The following ATP10A variants were observed in gnomAD, a reference collection of about 807,000 sequenced individuals.
The protein encoded by ATP10A is ATPase phospholipid transporting 10A (putative).
A neutral mutation model predicts 147.8 loss-of-function variants in ATP10A; 111 were observed. The ratio of observed to expected loss-of-function variants is 0.75; its 90% CI spans 0.64 to 0.88. The LOEUF is 0.88. Among genes scored for constraint, ATP10A ranks in the 40% least tolerant of loss-of-function variants. ATP10A has a pLI of 0.00. For missense variants in ATP10A, 1,927 were observed against 1,959.0 expected (o/e 0.98, Z 0.31); for synonymous variants, 875 against 841.6 (o/e 1.04, Z -0.69).
chr15:25,749,588 T>C (rs1163581548), intron 2 of ATP10A, among the ~76,000 whole-genome samples: 1 of 152,160 alleles, frequency 6.6e-6, no homozygotes, highest in African/African-American at 2.4e-5. Flanking sequence ...TCAAATCCAA[T>C]ATCTGGCATC....
At chr15:25,827,437 C>A (rs1330160099) in intron 1 of ATP10A, among the ~76,000 whole-genome samples, 3 of 152,166 alleles carry the variant, frequency 2.0e-5, no homozygotes, top group Non-Finnish European at 4.4e-5. Flanking sequence ...GCAACATTTA[C>A]AAATCTATGT....
intron 2 of ATP10A, among the ~76,000 whole-genome samples, chr15:25,739,905 C>A (rs191901662): frequency 6.6e-6 from 1 of 152,180 alleles, no homozygotes; most frequent in Non-Finnish European, 1.5e-5. Context: ...CCTGAACTTG[C>A]GTTTCTGCTA....
chr15:25,781,474 G>A (rs1889920708), intron 1 of ATP10A, among the ~76,000 whole-genome samples: 1 of 152,052 alleles, frequency 6.6e-6, no homozygotes, highest in Admixed American at 6.6e-5. Flanking sequence ...GACCAACACG[G>A]TGAAACTCTG....
intron 1 of ATP10A, among the ~76,000 whole-genome samples, chr15:25,797,687 G>A (rs1890742910): frequency 1.3e-5 from 2 of 152,168 alleles, no homozygotes; most frequent in Admixed American, 6.5e-5. Flanking sequence ...TCCACAGCAC[G>A]CAGATCCTTC....
chr15:25,770,715 C>A (rs761190312), intron 2 of ATP10A, among the ~76,000 whole-genome samples: 1 of 152,168 alleles, frequency 6.6e-6, no homozygotes, highest in East Asian at 1.9e-4. Context: ...CATCATCCAA[C>A]GCCCCAGGGA....
intron 1 of ATP10A, among the ~76,000 whole-genome samples, chr15:25,842,477 C>A (rs188391679): frequency 6.6e-6 from 1 of 152,208 alleles, no homozygotes; most frequent in East Asian, 1.9e-4. Context: ...AATGAATCTA[C>A]GCCATCTTGT....
At chr15:25,739,846 A>G (rs1887486080) in intron 2 of ATP10A, among the ~76,000 whole-genome samples, 1 of 152,212 alleles carries the variant, frequency 6.6e-6, no homozygotes, top group Admixed American at 6.5e-5. Context: ...GACTAGGTGG[A>G]AAGAAAGAGG....
In ATP10A at chr15:25,716,723, A is replaced by G. The variant is rs754317840; in HGVS notation, c.1776+7T>C. 2 of 1,569,286 alleles carry G rather than the reference A, an allele frequency of 1.3e-6. No individual in the cohort carries two copies. Among genetic ancestry groups the G allele is most frequent in the Non-Finnish European group, 1.7e-6 (2 of 1,155,478 alleles). ...AAGGTCAAGCTCAGGGACCCTCCAG[A>G]ACTTGCCTTTGTTCGTGGCTGATCC... On this transcript the variant is annotated splice_region_variant and intron_variant, in intron 9 of 20. Transcript: ENST00000555815.
chr15:25,702,141 C>A (rs781095343), intron 12 of ATP10A, 41 bp from the exon 13 acceptor site: 2 of 1,569,686 alleles, frequency 1.3e-6, no homozygotes, highest in East Asian at 2.3e-5. Flanking sequence ...CCGCTTCTCA[C>A]GTGCCCCCCA....
At position 25,781,103 on chromosome 15, in the gene ATP10A, G is replaced by A. The variant is rs771305955; in HGVS notation, c.570C>T (p.Asp190=). The change falls in exon 2 of 21, where the codon GAC becomes GAT. Residue 190 remains aspartate (D), a synonymous_variant. Transcript: ENST00000555815. Reference sequence around the variant, plus strand: ...TGGCGGTCTCGATGTGGCATAGCCCGTCGGGGTCACTGGAGGAGAGCAGCA... The same window carrying A: ...TGGCGGTCTCGATGTGGCATAGCCCATCGGGGTCACTGGAGGAGAGCAGCA... ...DILLLSSSDP[D]GLCHIETANL... The A allele has an allele frequency of 1.3e-4, 208 of 1,614,086 alleles. No individual in the cohort carries two copies. The highest frequency in any genetic ancestry group is 1.6e-4 in the Non-Finnish European group (189 of 1,180,050).
chr15:25,803,123 C>T (rs977364202), intron 1 of ATP10A, among the ~76,000 whole-genome samples: 3 of 152,106 alleles, frequency 2.0e-5, no homozygotes, highest in South Asian at 2.1e-4. Flanking sequence ...CATCTCACCC[C>T]GGGATGTAGC....
chr15:25,755,664 C>T (rs1888372156), intron 2 of ATP10A, among the ~76,000 whole-genome samples: 1 of 152,152 alleles, frequency 6.6e-6, no homozygotes, highest in Non-Finnish European at 1.5e-5. Flanking sequence ...TGAAAATGGT[C>T]TCCATGTTAA....
At chr15:25,860,165 G>A (rs1567438440) in intron 1 of ATP10A, among the ~76,000 whole-genome samples, 1 of 152,122 alleles carries the variant, frequency 6.6e-6, no homozygotes, top group Non-Finnish European at 1.5e-5. Flanking sequence ...CTTCACCCCA[G>A]TGTACCCTAG....
In ATP10A at chr15:25,802,601, C is replaced by T. The variant is rs142122165; in HGVS notation, c.450-21378G>A. Among the ~76,000 whole-genome samples, 764 of 152,292 alleles carry T rather than the reference C, an allele frequency of 5.0e-3. 4 individuals carry two copies. Among genetic ancestry groups the T allele is most frequent in the African/African-American group, 0.017 (702 of 41,568 alleles). ...GCCACGCTCCTTCCTGGAGTCTCAG[C>T]GGAGAGTATGCTTCCCTGCCTCTCC... On this transcript the variant is annotated intron_variant, in intron 1 of 20. Transcript: ENST00000555815.
chr15:25,832,810 A>G (rs1892418441), intron 1 of ATP10A, among the ~76,000 whole-genome samples: 2 of 152,130 alleles, frequency 1.3e-5, no homozygotes, highest in African/African-American at 2.4e-5. Context: ...AATAGCTAGA[A>G]GAGAGGATTT....
intron 2 of ATP10A, among the ~76,000 whole-genome samples, chr15:25,776,452 G>A (rs1385497149): frequency 1.3e-5 from 2 of 152,210 alleles, no homozygotes; most frequent in Non-Finnish European, 2.9e-5. Context: ...GTGAAATTGT[G>A]TTTAAAAATG....
At position 25,862,848 on chromosome 15, in the gene ATP10A, G is replaced by T. The variant is rs753377803; in HGVS notation, c.249C>A (p.Phe83Leu). 4 of 1,610,020 alleles carry T rather than the reference G, an allele frequency of 2.5e-6. No homozygotes were observed. The Admixed American group carries it at 6.7e-5, about 27-fold the overall frequency. Reference protein sequence around the residue: ...SFLPKNLFEQFHRPANVYFVF... With the variant: ...SFLPKNLFEQLHRPANVYFVF... ...CAAAGTACACGTTGGCCGGGCGGTG[G>T]AACTGCTCGAACAGGTTCTTGGGCA... The change falls in exon 1 of 21, where the codon TTC (phenylalanine) becomes TTA (leucine). Residue 83 changes from phenylalanine to leucine, a missense_variant. Phe to Leu is a conservative substitution (Grantham distance 22). Transcript: ENST00000555815.
At chr15:25,760,901 C>T (rs1888725567) in intron 2 of ATP10A, among the ~76,000 whole-genome samples, 1 of 152,172 alleles carries the variant, frequency 6.6e-6, no homozygotes, top group Admixed American at 6.5e-5. Context: ...CATTCCACCT[C>T]TGGATTTATC....
intron 7 of ATP10A, among the ~76,000 whole-genome samples, chr15:25,719,836 C>T (rs143645524): frequency 8.5e-5 from 13 of 152,300 alleles, no homozygotes; most frequent in African/African-American, 2.4e-4. Context: ...CTTCCACAGC[C>T]GGTTCTGGTA....
Sources: gnomAD v4.1 joint callset for allele counts (sites outside exome capture counted in the v4.1 genomes callset) on GRCh38, gnomAD v4.1.1 for gene constraint, MANE v1.5 for transcripts, NCBI Gene and HGNC (gene_info 2026-07-23, HGNC 2026-07-21) for gene names.